The following ADAM12 variants were observed in gnomAD, a reference collection of about 807,000 sequenced individuals.
ADAM12 encodes the protein ADAM metallopeptidase domain 12, also known as disintegrin and metalloproteinase domain-containing protein 12.
ADAM12 carries 70 observed loss-of-function variants against 106.4 expected under a neutral mutation model. The observed-to-expected ratio is 0.66, with a 90% CI of 0.54 to 0.80. The LOEUF is 0.80. Among genes scored for constraint, ADAM12 ranks in the 30% least tolerant of loss-of-function variants. The pLI is 0.00. For missense variants in ADAM12, 1,010 were observed against 1,171.9 expected (o/e 0.86, Z 2.02); for synonymous variants, 420 against 433.5 (o/e 0.97, Z 0.39).
intron 17 of ADAM12, among the ~76,000 whole-genome samples, chr10:126,044,361 T>C (rs934317744): frequency 6.6e-6 from 1 of 152,084 alleles, no homozygotes; most frequent in Non-Finnish European, 1.5e-5. Flanking sequence ...AAAGAATTTC[T>C]GAAAAATTAG....
chr10:126,365,481 C>T (rs887852922), intron 1 of ADAM12, among the ~76,000 whole-genome samples: 1 of 152,032 alleles, frequency 6.6e-6, no homozygotes, highest in Non-Finnish European at 1.5e-5. Flanking sequence ...TGAAGAAATG[C>T]CCGAGACTGG....
At chr10:126,031,838 T>C (rs1953976553) in intron 21 of ADAM12, among the ~76,000 whole-genome samples, 1 of 152,230 alleles carries the variant, frequency 6.6e-6, no homozygotes, top group Admixed American at 6.5e-5. Flanking sequence ...GAGCCTTCTT[T>C]AAGATGCAGT....
At chr10:126,180,367 G>C (rs12261728) in intron 3 of ADAM12, among the ~76,000 whole-genome samples, 21,652 of 152,100 alleles carry the variant, frequency 0.14, 1,695 homozygotes, top group East Asian at 0.34. Context: ...TGATTCTGGA[G>C]GGGCCCCCCA....
intron 18 of ADAM12, 94 bp downstream of exon 18, chr10:126,042,946 G>T: frequency 4.0e-6 from 5 of 1,264,416 alleles, no homozygotes; most frequent in Non-Finnish European, 5.5e-6. Flanking sequence ...TGGGTTTCTT[G>T]TTGGCTCTAC....
chr10:126,179,138 G>A (rs1364751939), intron 3 of ADAM12, among the ~76,000 whole-genome samples: 2 of 152,158 alleles, frequency 1.3e-5, no homozygotes, highest in Non-Finnish European at 2.9e-5. Context: ...TTTATTTCAT[G>A]AACAAAAGCG....
chr10:126,133,215 C>T (rs1420008917), intron 5 of ADAM12, among the ~76,000 whole-genome samples: 1 of 152,136 alleles, frequency 6.6e-6, no homozygotes, highest in Non-Finnish European at 1.5e-5. Context: ...CAGTTGTCAT[C>T]TTTGCTCTAA....
At chr10:126,347,427 C>T (rs980627333) in intron 1 of ADAM12, among the ~76,000 whole-genome samples, 56 of 152,156 alleles carry the variant, frequency 3.7e-4, no homozygotes, top group African/African-American at 1.2e-3. Context: ...GTGGGTAACC[C>T]GACCTTTCTC....
At chr10:126,332,106 C>A (rs941037452) in intron 1 of ADAM12, among the ~76,000 whole-genome samples, 1 of 152,168 alleles carries the variant, frequency 6.6e-6, no homozygotes, top group Non-Finnish European at 1.5e-5. Context: ...ACATCAGCTG[C>A]GGGGCCACGG....
intron 3 of ADAM12, among the ~76,000 whole-genome samples, chr10:126,201,082 C>T (rs930794669): frequency 6.6e-5 from 10 of 152,108 alleles, no homozygotes; most frequent in African/African-American, 2.4e-4. Context: ...AGAATTTCTT[C>T]CACAGGCCAA....
rs186838276 is a variant in ADAM12 at position 126,156,432 on chromosome 10, C to T, written c.261-1127G>A. 2.6e-4 allele frequency among the ~76,000 whole-genome samples: 40 copies of T among 152,282 alleles called. No homozygotes were observed. The East Asian group carries it at 6.6e-3, about 25-fold the overall frequency. On this transcript the variant is annotated intron_variant, in intron 3 of 22. Transcript: ENST00000448723. The stretch of plus-strand genomic sequence containing the variant: ...CCCCTTCATTTACATAGGGCGCACA[C>T]GAAGTAACCAATGGAAACCTCTAGA...
chr10:126,194,476 C>T (rs1467924094), intron 3 of ADAM12, among the ~76,000 whole-genome samples: 1 of 152,182 alleles, frequency 6.6e-6, no homozygotes, highest in Non-Finnish European at 1.5e-5. Context: ...TTTAATGTAG[C>T]ATTTCTCACA....
chr10:126,170,456 C>A (rs554453314), intron 3 of ADAM12, among the ~76,000 whole-genome samples: 11 of 151,390 alleles, frequency 7.3e-5, no homozygotes, highest in Non-Finnish European at 1.5e-4. Context: ...GGGGGGGAGT[C>A]CCTGTGTGTG....
rs573811724 is a variant in ADAM12 at position 126,023,659 on chromosome 10, T to G, written c.2530-3834A>C. On this transcript the variant is annotated intron_variant, in intron 21 of 22. Coordinates refer to ENST00000448723, the MANE Select transcript of ADAM12 (RefSeq NM_001288973.2). ...ATACTATAATCTATCCCCAGGATAC[T>G]ACAAGGAGCATTCTTCTGGTGCTGG... 1.4e-4 allele frequency among the ~76,000 whole-genome samples: 21 copies of G among 152,336 alleles called. 1 individual carries two copies. The South Asian group carries it at 1.5e-3, about 11-fold the overall frequency.
rs12573719 is a variant in ADAM12, at chr10:126,206,860, C to T, written c.261-51555G>A. 9.2e-4 allele frequency among the ~76,000 whole-genome samples: 90 copies of T among 97,830 alleles called. 6 individuals carry two copies. The highest frequency in any genetic ancestry group is 1.3e-3 in the Non-Finnish European group (60 of 47,848). 64.2% of individuals were successfully genotyped at this position (97,830 alleles called of 152,430 possible). Reference sequence around the variant, plus strand: ...CCTGAATTCCCATGTGTTGTGGGGGCGGGGGGGAGCCAGTGGGAGGTAATT... The same window carrying T: ...CCTGAATTCCCATGTGTTGTGGGGGTGGGGGGGAGCCAGTGGGAGGTAATT... On this transcript the variant is annotated intron_variant, in intron 3 of 22. Coordinates refer to ENST00000448723, the MANE Select transcript of ADAM12 (RefSeq NM_001288973.2).
At chr10:126,321,907 G>GT (rs1554866258) in intron 2 of ADAM12, among the ~76,000 whole-genome samples, 2 of 141,028 alleles carry the variant, frequency 1.4e-5, no homozygotes, top group African/African-American at 5.2e-5. Context: ...CTGGGGGTCG[G>GT]GGGGGGGGCT....
In ADAM12 at chr10:126,223,743, C is replaced by T. The variant is rs75540135; in HGVS notation, c.260+55172G>A. ...AAGCACTGTGGCATGAAAGAAAATT[C>T]TCCACGGTCTTTGGTCACAATTACT... On this transcript the variant is annotated intron_variant, in intron 3 of 22. Transcript: ENST00000448723. Among the ~76,000 whole-genome samples, 1,251 of 152,284 alleles carry T rather than the reference C, an allele frequency of 8.2e-3. 13 individuals carry two copies. The highest frequency in any genetic ancestry group is 0.013 in the Non-Finnish European group (900 of 68,042).
At chr10:126,157,302 G>A (rs72826355) in intron 3 of ADAM12, among the ~76,000 whole-genome samples, 1,704 of 152,312 alleles carry the variant, frequency 0.011, 17 homozygotes, top group African/African-American at 0.022. Flanking sequence ...GGCCTGCTCC[G>A]CCTCTCCTCC....
At chr10:126,343,007 T>C (rs1435666878) in intron 1 of ADAM12, among the ~76,000 whole-genome samples, 2 of 152,212 alleles carry the variant, frequency 1.3e-5, no homozygotes, top group Non-Finnish European at 2.9e-5. Context: ...GACCAGGCAC[T>C]GGCAAGTTGA....
intron 16 of ADAM12, among the ~76,000 whole-genome samples, chr10:126,047,634 T>G (rs891104146): frequency 1.3e-5 from 2 of 151,956 alleles, no homozygotes; most frequent in African/African-American, 4.8e-5. Context: ...TATTAAAAAG[T>G]CAAAAAACAA....
Sources: gnomAD v4.1 joint callset for allele counts (sites outside exome capture counted in the v4.1 genomes callset) on GRCh38, gnomAD v4.1.1 for gene constraint, MANE v1.5 for transcripts, NCBI Gene and HGNC (gene_info 2026-07-23, HGNC 2026-07-21) for gene names.